Variants in FAM83B observed in about 807,000 individuals in gnomAD.
The protein encoded by FAM83B is scaffolding CK1 anchoring protein B, also known as protein FAM83B.
FAM83B carries 26 observed loss-of-function variants against 38.8 expected under a neutral mutation model. That is an observed-to-expected ratio of 0.67 (90% CI 0.49 to 0.93). The LOEUF (loss-of-function observed/expected upper bound fraction) is 0.93, where lower values mean the gene tolerates loss of function less well. Among genes scored for constraint, FAM83B ranks in the 40% least tolerant of loss-of-function variants. The probability of loss-of-function intolerance (pLI) is 0.00; values close to 1 mark genes in which losing one functional copy is unlikely to be tolerated. For synonymous variants in FAM83B, 419 were observed against 423.1 expected (o/e 0.99, Z 0.12); for missense variants, 1,237 against 1,197.3 (o/e 1.03, Z -0.49).
At chr6:54,853,998 CT>C (rs1344044574) in intron 1 of FAM83B, among the ~76,000 whole-genome samples, 2 of 152,098 alleles carry the variant, frequency 1.3e-5, no homozygotes, top group African/African-American at 4.8e-5. Context: ...TTGTAGATGT[CT>C]TAGAAAGGTT....
chr6:54,870,805 A>G, intron 2 of FAM83B, 115 bp downstream of exon 2: 8 of 1,048,166 alleles, frequency 7.6e-6, no homozygotes, highest in Non-Finnish European at 1.1e-5. Context: ...GGCCATGCCT[A>G]TTGTTTTTAG....
At chr6:54,876,327 GTT>G (rs370217741) in intron 2 of FAM83B, among the ~76,000 whole-genome samples, 4 of 86,958 alleles carry the variant, frequency 4.6e-5, no homozygotes, top group Non-Finnish European at 9.6e-5. Context: ...ATATGTTTTT[GTT>G]TTTTTTTTTT....
chr6:54,920,844 A>AT (rs1318554153), intron 2 of FAM83B, among the ~76,000 whole-genome samples: 1 of 151,834 alleles, frequency 6.6e-6, no homozygotes, highest in Admixed American at 6.6e-5. Flanking sequence ...TATCAGACAC[A>AT]TTTTCCCAAC....
chr6:54,870,375 C>T lies in FAM83B; in HGVS notation c.129C>T (p.Tyr43=). 1 of 1,613,938 alleles carries T rather than the reference C, an allele frequency of 6.2e-7. No individual in the cohort carries two copies. The highest frequency in any genetic ancestry group is 8.5e-7 in the Non-Finnish European group (1 of 1,179,962). The change falls in exon 2 of 5, where the codon TAC becomes TAT. Residue 43 remains tyrosine (Y), a synonymous_variant. Transcript: ENST00000306858. ...DILIEHGLEA[Y]QEFLVQERVS... is the part of the protein sequence containing the mutation. ...TGATTGAACACGGGTTAGAAGCATA[C>T]CAAGAATTTCTTGTCCAGGAACGAG...
chr6:54,892,229 T>A (rs535906681), intron 2 of FAM83B, among the ~76,000 whole-genome samples: 1 of 152,310 alleles, frequency 6.6e-6, no homozygotes, highest in African/African-American at 2.4e-5. Flanking sequence ...CCTGCCTTTC[T>A]AGATTTAACA....
At chr6:54,860,218 G>A (rs1359263203) in intron 1 of FAM83B, among the ~76,000 whole-genome samples, 2 of 152,062 alleles carry the variant, frequency 1.3e-5, no homozygotes, top group Non-Finnish European at 2.9e-5. Flanking sequence ...ATCTTGTTTT[G>A]TTTTTGCATT....
chr6:54,849,970 G>A (rs1296600290), intron 1 of FAM83B, among the ~76,000 whole-genome samples: 1 of 152,098 alleles, frequency 6.6e-6, no homozygotes, highest in East Asian at 1.9e-4. Context: ...CTCTAACTTT[G>A]TGCTCTTTTA....
chr6:54,897,087 T>G (rs964383757), intron 2 of FAM83B, among the ~76,000 whole-genome samples: 4 of 152,148 alleles, frequency 2.6e-5, no homozygotes, highest in Admixed American at 6.6e-5. Context: ...ATCATTACTG[T>G]TAATATTATT....
intron 2 of FAM83B, among the ~76,000 whole-genome samples, chr6:54,915,342 TC>T: frequency 6.6e-6 from 1 of 152,334 alleles, no homozygotes; most frequent in South Asian, 2.1e-4. Flanking sequence ...CCTAGAGATT[TC>T]TGTCTATCCT....
chr6:54,917,757 C>T (rs918185261), intron 2 of FAM83B, among the ~76,000 whole-genome samples: 5 of 152,106 alleles, frequency 3.3e-5, no homozygotes, highest in East Asian at 3.9e-4. Context: ...TAATAGTAAG[C>T]GATTAAGAAA....
At chr6:54,857,813 C>T (rs79201480) in intron 1 of FAM83B, among the ~76,000 whole-genome samples, 1,544 of 152,004 alleles carry the variant, frequency 0.01, 17 homozygotes, top group South Asian at 0.027. Context: ...TTAAGTATGG[C>T]AGAGAGAGTG....
At chr6:54,911,465 T>C (rs73431470) in intron 2 of FAM83B, among the ~76,000 whole-genome samples, 19,394 of 152,058 alleles carry the variant, frequency 0.13, 1,430 homozygotes, top group Middle Eastern at 0.21. Flanking sequence ...TAAAATTAAA[T>C]ATTTTATTGA....
At chr6:54,852,918 A>G (rs1019257259) in intron 1 of FAM83B, among the ~76,000 whole-genome samples, 3 of 145,842 alleles carry the variant, frequency 2.1e-5, no homozygotes, top group African/African-American at 7.9e-5. Context: ...TTCCTAAAAG[A>G]TTATTCGATT....
rs116746522 is a variant in FAM83B at position 54,925,143 on chromosome 6, A to G, written c.445-1228A>G. 6.8e-3 allele frequency among the ~76,000 whole-genome samples: 1,031 copies of G among 152,220 alleles called. 15 individuals are homozygous for G. Among genetic ancestry groups the G allele is most frequent in the African/African-American group, 0.024 (993 of 41,542 alleles). ...TGCAACAGTCTTCTTGAAGATATCAATGTGGATAATGTCATTTCCTTTAAA... is the reference window on the plus strand; with the variant it reads ...TGCAACAGTCTTCTTGAAGATATCAGTGTGGATAATGTCATTTCCTTTAAA... On this transcript the variant is annotated intron_variant, in intron 2 of 4. Coordinates refer to ENST00000306858, the MANE Select transcript of FAM83B (RefSeq NM_001010872.3).
At chr6:54,917,307 C>T (rs1316958457) in intron 2 of FAM83B, among the ~76,000 whole-genome samples, 1 of 152,110 alleles carries the variant, frequency 6.6e-6, no homozygotes, top group African/African-American at 2.4e-5. Flanking sequence ...AAAGATCTAA[C>T]TAACTTAATA....
At chr6:54,887,791 C>T (rs1389675054) in intron 2 of FAM83B, among the ~76,000 whole-genome samples, 4 of 151,406 alleles carry the variant, frequency 2.6e-5, no homozygotes, top group Admixed American at 6.6e-5. Flanking sequence ...TTTGATGTGT[C>T]TTTGTAAACA....
chr6:54,892,915 T>A (rs1418235026), intron 2 of FAM83B, among the ~76,000 whole-genome samples: 1 of 151,982 alleles, frequency 6.6e-6, no homozygotes, highest in African/African-American at 2.4e-5. Flanking sequence ...TATAAAGGCA[T>A]CATGATTCCC....
At chr6:54,928,634 T>G (rs1182522852) in intron 4 of FAM83B, among the ~76,000 whole-genome samples, 2 of 152,166 alleles carry the variant, frequency 1.3e-5, no homozygotes, top group African/African-American at 2.4e-5. Flanking sequence ...AGCTAGTGCT[T>G]GAAATTCGTG....
chr6:54,929,860 TA>T (rs1226261310), intron 4 of FAM83B, among the ~76,000 whole-genome samples: 2 of 152,072 alleles, frequency 1.3e-5, no homozygotes, highest in African/African-American at 4.8e-5. Context: ...TTGCACATTT[TA>T]AAAAAATCAA....
Sources: gnomAD v4.1 joint callset for allele counts (sites outside exome capture counted in the v4.1 genomes callset) on GRCh38, gnomAD v4.1.1 for gene constraint, MANE v1.5 for transcripts, NCBI Gene and HGNC (gene_info 2026-07-23, HGNC 2026-07-21) for gene names.